ENTREP2: variants seen among roughly 807,000 people sequenced by gnomAD.
ENTREP2 encodes protein ENTREP2.
chr15:29,131,935 G>GTCCTAATCCTACCCTAACCCA, the ENTREP2 span, among the ~76,000 whole-genome samples: 1 of 137,442 alleles, frequency 7.3e-6, no homozygotes, highest in East Asian at 2.0e-4. Flanking sequence ...GAAAGAGAAT[G>GTCCTAATCCTACCCTAACCCA]GCATCTGACC....
the ENTREP2 span, among the ~76,000 whole-genome samples, chr15:29,547,748 G>A: frequency 2.0e-4 from 30 of 152,180 alleles, no homozygotes; most frequent in Non-Finnish European, 3.8e-4. Flanking sequence ...GATATATATC[G>A]AAAAAATGGA....
At chr15:29,451,871 C>A in the ENTREP2 span, among the ~76,000 whole-genome samples, 1 of 152,266 alleles carries the variant, frequency 6.6e-6, no homozygotes, top group Admixed American at 6.5e-5. Flanking sequence ...GCCTTCTGTG[C>A]AGACCTCTGC....
chr15:29,314,806 C>T, the ENTREP2 span, among the ~76,000 whole-genome samples: 13 of 152,156 alleles, frequency 8.5e-5, no homozygotes, highest in Admixed American at 7.9e-4. Flanking sequence ...AATCCCAGCA[C>T]TTTGGGAGGC....
the ENTREP2 span, among the ~76,000 whole-genome samples, chr15:29,502,742 G>T: frequency 6.6e-6 from 1 of 151,960 alleles, no homozygotes; most frequent in African/African-American, 2.4e-5. Flanking sequence ...AGCATTCAAC[G>T]ACAAGAAGTC....
At chr15:29,636,146 C>T in the ENTREP2 span, among the ~76,000 whole-genome samples, 357 of 152,316 alleles carry the variant, frequency 2.3e-3, no homozygotes, top group African/African-American at 8.2e-3. Flanking sequence ...AAACCAGCTC[C>T]TGCAACTCTC....
At chr15:29,137,421 T>C in the ENTREP2 span, among the ~76,000 whole-genome samples, 2 of 152,204 alleles carry the variant, frequency 1.3e-5, no homozygotes, top group Non-Finnish European at 2.9e-5. Flanking sequence ...AGAATGCCTC[T>C]TTTTAAAGAA....
At chr15:29,390,758 A>G in the ENTREP2 span, among the ~76,000 whole-genome samples, 1 of 152,222 alleles carries the variant, frequency 6.6e-6, no homozygotes, top group Non-Finnish European at 1.5e-5. Flanking sequence ...TTTACTTCCT[A>G]AAATCAAGAA....
the ENTREP2 span, among the ~76,000 whole-genome samples, chr15:29,257,500 C>G: frequency 6.6e-6 from 1 of 152,190 alleles, no homozygotes; most frequent in South Asian, 2.1e-4. Context: ...GGTTTCCCAG[C>G]ATGGCTTTGG....
At chr15:29,411,825 A>G in the ENTREP2 span, among the ~76,000 whole-genome samples, 1 of 152,210 alleles carries the variant, frequency 6.6e-6, no homozygotes, top group Non-Finnish European at 1.5e-5. Context: ...ATTCTCTTGC[A>G]TGGATAGCCA....
the ENTREP2 span, among the ~76,000 whole-genome samples, chr15:29,321,557 G>A: frequency 6.6e-6 from 1 of 151,472 alleles, no homozygotes; most frequent in Non-Finnish European, 1.5e-5. Context: ...GCTGAGGCAG[G>A]AGAATTGCTT....
chr15:29,183,722 G>A, the ENTREP2 span, among the ~76,000 whole-genome samples: 1 of 152,178 alleles, frequency 6.6e-6, no homozygotes, highest in Non-Finnish European at 1.5e-5. Context: ...TTTCAGTGAA[G>A]CAGACAACTC....
At chr15:29,598,088 C>T in the ENTREP2 span, among the ~76,000 whole-genome samples, 1 of 151,832 alleles carries the variant, frequency 6.6e-6, no homozygotes, top group African/African-American at 2.4e-5. Flanking sequence ...ACACCACGCA[C>T]TCTAGCCGGG....
At chr15:29,510,802 T>A in the ENTREP2 span, among the ~76,000 whole-genome samples, 1 of 114,948 alleles carries the variant, frequency 8.7e-6, no homozygotes, top group Non-Finnish European at 1.7e-5. Flanking sequence ...AGAGTGAGAC[T>A]CCATCTCAAA....
chr15:29,399,542 C>A, the ENTREP2 span, among the ~76,000 whole-genome samples: 2 of 152,220 alleles, frequency 1.3e-5, 1 homozygote, highest in South Asian at 4.2e-4. Context: ...CAGTATGTTA[C>A]CTGGTTACAA....
chr15:29,671,362 C>T, the ENTREP2 span, among the ~76,000 whole-genome samples: 18 of 152,288 alleles, frequency 1.2e-4, no homozygotes, highest in Admixed American at 2.6e-4. Context: ...TTGTAAGAAC[C>T]TCCTGACTTT....
the ENTREP2 span, among the ~76,000 whole-genome samples, chr15:29,137,697 G>C: frequency 9.2e-5 from 14 of 152,104 alleles, no homozygotes; most frequent in African/African-American, 1.4e-4. Flanking sequence ...TTAGCTGGGC[G>C]TAGTGGTGCA....
At chr15:29,409,144 T>C in the ENTREP2 span, among the ~76,000 whole-genome samples, 1 of 152,204 alleles carries the variant, frequency 6.6e-6, no homozygotes, top group South Asian at 2.1e-4. Context: ...GTTAAGTAGC[T>C]TTAAATTTTC....
At chr15:29,257,043 A>ATTATTTAT in the ENTREP2 span, among the ~76,000 whole-genome samples, 83 of 141,248 alleles carry the variant, frequency 5.9e-4, no homozygotes, top group South Asian at 9.0e-4. Context: ...TTATTTTTTT[A>ATTATTTAT]TTATTTATTT....
the ENTREP2 span, among the ~76,000 whole-genome samples, chr15:29,188,506 G>GCA: frequency 6.6e-6 from 1 of 152,124 alleles, no homozygotes; most frequent in Non-Finnish European, 1.5e-5. Context: ...AAGAACATAT[G>GCA]GTGTTGGGTT....
Sources: allele counts gnomAD v4.1 joint callset (sites outside exome capture counted in the v4.1 genomes callset), GRCh38; gene constraint gnomAD v4.1.1; transcripts MANE v1.5; gene names NCBI Gene and HGNC (gene_info 2026-07-23, HGNC 2026-07-21).